Variants in DPF2 observed in about 807,000 individuals in gnomAD.
The protein encoded by DPF2 is zinc finger protein ubi-d4.
A neutral mutation model predicts 59.6 loss-of-function variants in DPF2; 10 were observed. The observed-to-expected ratio is 0.17, with a 90% CI of 0.10 to 0.28. The LOEUF (loss-of-function observed/expected upper bound fraction) is 0.28. DPF2 is among the 10% of genes least tolerant of loss of function. DPF2 has a pLI of 1.00. For synonymous variants in DPF2, 189 were observed against 190.6 expected, an observed-to-expected ratio of 0.99 and a Z score of 0.07; for missense variants, 315 against 509.4, an observed-to-expected ratio of 0.62 and a Z score of 3.67.
chr11:65,336,415 C>T (rs911326274), intron 1 of DPF2, among the ~76,000 whole-genome samples: 4 of 151,894 alleles, frequency 2.6e-5, no homozygotes, highest in African/African-American at 2.4e-5. Context: ...TCGCCTGAAC[C>T]CAGGCGGCAG....
chr11:65,340,848 T>C, intron 2 of DPF2, 118 bp from the exon 3 acceptor site: 1 of 1,058,848 alleles, frequency 9.4e-7, no homozygotes, highest in Non-Finnish European at 1.4e-6. Flanking sequence ...AGGCCCTCAC[T>C]GTCAGAATTT....
rs567619689 is a variant in DPF2, at chr11:65,339,251, A to AC, written c.33-1134_33-1133insC. ...GTGAGACCTTGTCTCTTAAAAAAAAAAAAAAACAAGATTGATTGAATATAA... is the reference window on the plus strand; with the variant it reads ...GTGAGACCTTGTCTCTTAAAAAAAAACAAAAAACAAGATTGATTGAATATAA... On this transcript the variant is annotated intron_variant, in intron 1 of 10. Coordinates refer to ENST00000528416, the MANE Select transcript of DPF2 (RefSeq NM_006268.5). 2.1e-3 allele frequency among the ~76,000 whole-genome samples: 323 copies of AC among 152,120 alleles called. 1 individual carries two copies. The highest frequency in any genetic ancestry group is 7.3e-3 in the African/African-American group (305 of 41,514).
intron 4 of DPF2, 159 bp downstream of exon 4, chr11:65,341,721 T>C: frequency 1.0e-6 from 1 of 967,430 alleles, no homozygotes; most frequent in South Asian, 1.9e-5. Context: ...TGTCAGGTAC[T>C]GACTGGCTTC....
intron 4 of DPF2, chr11:65,343,515 A>G (rs1854440275): frequency 3.6e-6 from 2 of 549,228 alleles, no homozygotes; most frequent in Non-Finnish European, 6.5e-6. Context: ...TGGTGGGGAA[A>G]GCATTTCAGG....
intron 1 of DPF2, among the ~76,000 whole-genome samples, chr11:65,337,474 A>AATAT (rs1196397460): frequency 5.8e-4 from 27 of 46,476 alleles, no homozygotes; most frequent in East Asian, 8.1e-4. Flanking sequence ...AAAAAAAAAA[A>AATAT]ATATATATAT....
At chr11:65,338,332 C>CA (rs751101849) in intron 1 of DPF2, among the ~76,000 whole-genome samples, 1 of 152,192 alleles carries the variant, frequency 6.6e-6, no homozygotes, top group Non-Finnish European at 1.5e-5. Context: ...GTTTCCTTCC[C>CA]AGCCCTTTTA....
rs150923096 is a variant in DPF2, at chr11:65,340,138, A to C, written c.33-247A>C. 1.4e-4 allele frequency among the ~76,000 whole-genome samples: 21 copies of C among 152,344 alleles called. No homozygotes were observed. In the East Asian group the frequency reaches 3.7e-3, roughly 27 times the overall value. On this transcript the variant is annotated intron_variant, in intron 1 of 10. Transcript: ENST00000528416. The stretch of plus-strand genomic sequence containing the variant: ...TTCACCTCTTTGGGGGTTAAACTTA[A>C]GTCTGATTAGACATATGATGAAATC...
rs1237926150 is a variant in DPF2 at position 65,333,974 on chromosome 11, G to A, written c.32+56G>A. The A allele has an allele frequency of 7.5e-6, 12 of 1,593,412 alleles. No homozygotes were observed. In the South Asian group the frequency reaches 1.0e-4, roughly 13 times the overall value. ...GGCAGGTTTTGTAAAGGGCCTGGGA[G>A]TAGGGGGCGGTGGGGGAAGGGACTA... On this transcript the variant is annotated intron_variant, in intron 1 of 10. Transcript: ENST00000528416.
chr11:65,343,961 A>G (rs1175147724), intron 5 of DPF2, 30 bp from the exon 6 acceptor site: 1 of 1,613,894 alleles, frequency 6.2e-7, no homozygotes, highest in Non-Finnish European at 8.5e-7. Context: ...AGCTACCAAA[A>G]TAAGGGTGTC....
intron 4 of DPF2, 61 bp from the exon 5 acceptor site, chr11:65,343,684 A>G (rs1854445592): frequency 1.3e-6 from 2 of 1,531,152 alleles, no homozygotes; most frequent in Admixed American, 2.0e-5. Flanking sequence ...GGCCAGTCTC[A>G]TCATAGGGGA....
chr11:65,341,282 G>C, intron 3 of DPF2, 117 bp from the exon 4 acceptor site: 1 of 1,451,132 alleles, frequency 6.9e-7, no homozygotes, highest in Non-Finnish European at 9.4e-7. Context: ...TTAATTCCTG[G>C]GCGTGCAGAG....
intron 9 of DPF2, chr11:65,346,640 G>A (rs1464230157): frequency 1.4e-5 from 5 of 345,210 alleles, no homozygotes; most frequent in Non-Finnish European, 5.3e-6. Flanking sequence ...CAATAAGCAA[G>A]GATGTAAATG....
In DPF2 at chr11:65,353,148, T is replaced by C. The variant is rs756909526; in HGVS notation, c.*1389T>C. 3.9e-5 allele frequency: 6 copies of C among 152,080 alleles called. No individual in the cohort carries two copies. The highest frequency in any genetic ancestry group is 5.9e-5 in the Non-Finnish European group (4 of 68,010). 9.4% of individuals were successfully genotyped at this position (152,080 alleles called of 1,614,324 possible). ...CCAATATGTAAAGCGAATATAAAAT[T>C]GGTTATTTTGTTTTGTTACATAAAT... On this transcript the variant is annotated 3_prime_UTR_variant, in exon 11 of 11. Transcript: ENST00000528416.
chr11:65,343,682 T>C, intron 4 of DPF2, 63 bp from the exon 5 acceptor site: 1 of 1,523,932 alleles, frequency 6.6e-7, no homozygotes, highest in Non-Finnish European at 8.9e-7. Flanking sequence ...TTGGCCAGTC[T>C]CATCATAGGG....
chr11:65,350,274 A>G (rs1854654466), intron 10 of DPF2, among the ~76,000 whole-genome samples: 2 of 152,182 alleles, frequency 1.3e-5, no homozygotes, highest in South Asian at 2.1e-4. Flanking sequence ...TCAGCAAGCT[A>G]CAAGCTAAAA....
At chr11:65,345,357 G>C in intron 6 of DPF2, 1 of 374,660 alleles carries the variant, frequency 2.7e-6, no homozygotes, top group East Asian at 4.9e-5. Flanking sequence ...CAGACTGTTA[G>C]TATATCCCAG....
chr11:65,333,912 T>C lies in DPF2; in HGVS notation c.26T>C (p.Val9Ala). The C allele has an allele frequency of 6.2e-7, 1 of 1,613,944 alleles. No homozygotes were observed. Among genetic ancestry groups the C allele is most frequent in the Non-Finnish European group, 8.5e-7 (1 of 1,179,954 alleles). Reference sequence around the variant, plus strand: ...ATGGCGGCTGTGGTGGAGAATGTAGTGAAGCTGTGAGTGGTCGTTTCTTTC... The same window carrying C: ...ATGGCGGCTGTGGTGGAGAATGTAGCGAAGCTGTGAGTGGTCGTTTCTTTC... MAAVVENV[V>A]KLLGEQYYKD... is the part of the protein sequence containing the mutation. The change falls in exon 1 of 11, where the codon GTG becomes GCG. Residue 9 changes from valine (V) to alanine (A), a missense_variant. By Grantham distance (64) the Val-to-Ala change is moderately conservative. Transcript: ENST00000528416.
At chr11:65,334,690 T>G (rs1950072967) in intron 1 of DPF2, among the ~76,000 whole-genome samples, 1 of 152,236 alleles carries the variant, frequency 6.6e-6, no homozygotes, top group Non-Finnish European at 1.5e-5. Flanking sequence ...CGCTGGCCTA[T>G]GAACTGCTTC....
chr11:65,345,682 C>T lies in DPF2; in HGVS notation c.654C>T (p.Tyr218=). ...CCCACTCAGTTTGTGGAAAACGTTA[C>T]AAGAACCGACCAGGCCTCAGTTACC... ...PYACDICGKR[Y]KNRPGLSYHY... The change falls in exon 7 of 11, where the codon TAC becomes TAT. Residue 218 remains tyrosine (Y), a synonymous_variant. Transcript: ENST00000528416. The T allele has an allele frequency of 6.2e-7, 1 of 1,614,154 alleles. No homozygotes were observed.
Sources: allele counts gnomAD v4.1 joint callset (sites outside exome capture counted in the v4.1 genomes callset), GRCh38; gene constraint gnomAD v4.1.1; transcripts MANE v1.5; gene names NCBI Gene and HGNC (gene_info 2026-07-23, HGNC 2026-07-21).